Variants in KLHL22 observed in about 807,000 individuals in gnomAD.
KLHL22 encodes kelch-like protein 22.
A neutral mutation model predicts 60.7 loss-of-function variants in KLHL22; 18 were observed. The observed-to-expected ratio is 0.30, with a 90% confidence interval of 0.20 to 0.44. KLHL22 has a LOEUF of 0.44. Ranked by LOEUF, KLHL22 falls within the 20% of genes least tolerant of loss-of-function variation. KLHL22 has a pLI of 1.00. For missense variants in KLHL22, 596 were observed against 852.3 expected (o/e 0.70, Z 3.74); for synonymous variants, 355 against 354.5 (o/e 1.00, Z -0.01).
At chr22:20,464,566 C>T (rs942583038) in intron 4 of KLHL22, among the ~76,000 whole-genome samples, 8 of 152,174 alleles carry the variant, frequency 5.3e-5, no homozygotes, top group African/African-American at 1.7e-4. Context: ...CCTCCCGTCT[C>T]CTCCTGCACA....
intron 5 of KLHL22, chr22:20,451,628 C>G: frequency 6.2e-7 from 1 of 1,604,564 alleles, no homozygotes; most frequent in Admixed American, 1.7e-5. Context: ...ACAACTGCCA[C>G]CAGTATGACC....
intron 4 of KLHL22, among the ~76,000 whole-genome samples, chr22:20,462,543 A>G (rs1300877257): frequency 6.9e-6 from 1 of 144,258 alleles, no homozygotes; most frequent in Admixed American, 6.9e-5. Context: ...TTTTTTTGGT[A>G]GAGACGAGGT....
intron 2 of KLHL22, among the ~76,000 whole-genome samples, chr22:20,480,517 G>A (rs1436540841): frequency 1.3e-5 from 2 of 152,158 alleles, no homozygotes; most frequent in Non-Finnish European, 2.9e-5. Context: ...AAACCAGTAT[G>A]CTGCCTCTGG....
intron 1 of KLHL22, among the ~76,000 whole-genome samples, chr22:20,494,357 G>A (rs1323358753): frequency 6.6e-6 from 1 of 152,122 alleles, no homozygotes; most frequent in Non-Finnish European, 1.5e-5. Context: ...AACAACAGGA[G>A]CTCACCACTG....
intron 5 of KLHL22, 152 bp from the exon 6 acceptor site, chr22:20,446,828 G>A (rs1183867514): frequency 5.8e-5 from 38 of 658,956 alleles, no homozygotes; most frequent in African/African-American, 7.1e-5. Context: ...ATCCTCCCTC[G>A]ATTCTCATGG....
intron 2 of KLHL22, chr22:20,488,669 G>GCC: frequency 2.4e-6 from 1 of 420,390 alleles, no homozygotes; most frequent in Non-Finnish European, 4.4e-6. Flanking sequence ...CTGACGGAGG[G>GCC]GAGGAATGGT....
intron 5 of KLHL22, chr22:20,451,645 C>A (rs1046750293): frequency 6.2e-7 from 1 of 1,605,716 alleles, no homozygotes; most frequent in South Asian, 1.1e-5. Flanking sequence ...GACCACTCCA[C>A]GATGCTATGT....
chr22:20,464,834 G>A (rs753548230), intron 4 of KLHL22, 24 bp downstream of exon 4: 1 of 1,415,800 alleles, frequency 7.1e-7, no homozygotes, highest in South Asian at 1.4e-5. Flanking sequence ...GAAGACAAAG[G>A]GACCAGCTAG....
chr22:20,451,286 G>A, intron 5 of KLHL22: 2 of 1,606,946 alleles, frequency 1.2e-6, no homozygotes, highest in African/African-American at 2.7e-5. Flanking sequence ...TTTGATGGAA[G>A]CAGGCGTCAC....
In KLHL22 at chr22:20,451,231, G is replaced by A. The variant is rs529194261; in HGVS notation, c.1306-4555C>T. The A allele has an allele frequency of 5.0e-6, 8 of 1,601,592 alleles. No homozygotes were observed. In the South Asian group the frequency reaches 8.8e-5, roughly 18 times the overall value. On this transcript the variant is annotated intron_variant, in intron 5 of 6. Coordinates refer to ENST00000328879, the MANE Select transcript of KLHL22 (RefSeq NM_032775.4). ...CCCTATGAATGTCTGATGAGGTCTT[G>A]CTGGAGCCACCACCCTGGGAGATTT...
At chr22:20,446,336 A>G in intron 6 of KLHL22, 107 bp downstream of exon 6, 1 of 755,606 alleles carries the variant, frequency 1.3e-6, no homozygotes, top group Non-Finnish European at 2.2e-6. Flanking sequence ...CTGCTCTAAA[A>G]AATAGTCTAT....
intron 1 of KLHL22, chr22:20,491,375 T>C (rs908584133): frequency 1.1e-4 from 16 of 152,216 alleles, no homozygotes; most frequent in African/African-American, 3.6e-4. Context: ...GAGGTGAGGC[T>C]GAAAGTCCCA....
At chr22:20,450,824 T>C (rs1265974374) in intron 5 of KLHL22, 17 of 1,538,186 alleles carry the variant, frequency 1.1e-5, no homozygotes, top group South Asian at 5.6e-5. Flanking sequence ...ACAGATGTAA[T>C]AGATGCTGAG....
intron 3 of KLHL22, among the ~76,000 whole-genome samples, chr22:20,466,372 T>TA (rs361874): frequency 0.017 from 1,187 of 70,552 alleles, 40 homozygotes; most frequent in African/African-American, 0.061. Flanking sequence ...AGACTCCGTC[T>TA]AAAAAAAAAA....
chr22:20,482,646 C>T (rs1164642157), intron 2 of KLHL22, among the ~76,000 whole-genome samples: 2 of 151,970 alleles, frequency 1.3e-5, no homozygotes, highest in Non-Finnish European at 2.9e-5. Flanking sequence ...GATCTCGGCT[C>T]ACTGCAACCT....
At chr22:20,446,057 G>A (rs758048353) in intron 6 of KLHL22, among the ~76,000 whole-genome samples, 4 of 152,168 alleles carry the variant, frequency 2.6e-5, no homozygotes, top group East Asian at 1.9e-4. Context: ...CACCACATCC[G>A]GCCTAAAAGT....
intron 5 of KLHL22, chr22:20,451,607 C>T: frequency 6.3e-7 from 1 of 1,598,470 alleles, no homozygotes; most frequent in Non-Finnish European, 8.6e-7. Flanking sequence ...AACATTCGCA[C>T]TGATTCCCGG....
Position 20,441,914 on chromosome 22 carries a change from G to T in KLHL22, c.*159C>A. ...GGCCCTGAGATGCCTGCGGCAGGCT[G>T]GCCAAGGGGCTGGTGTGAAGAAAGA... On this transcript the variant is annotated 3_prime_UTR_variant, in exon 7 of 7. Coordinates refer to ENST00000328879, the MANE Select transcript of KLHL22 (RefSeq NM_032775.4). 1.5e-6 allele frequency: 1 copy of T among 650,824 alleles called. No homozygotes were observed. The highest frequency in any genetic ancestry group is 2.4e-6 in the Non-Finnish European group (1 of 418,424). 40.3% of individuals were successfully genotyped at this position (650,824 alleles called of 1,614,324 possible). A position where few individuals can be genotyped will look rare whatever the true frequency, so the allele number is the denominator to read the frequency against.
At chr22:20,458,813 C>A (rs995609974) in intron 4 of KLHL22, among the ~76,000 whole-genome samples, 2 of 152,182 alleles carry the variant, frequency 1.3e-5, no homozygotes, top group Admixed American at 1.3e-4. Context: ...ATGCTGCCAG[C>A]CCCGCGTTTC....
Sources: allele counts gnomAD v4.1 joint callset (sites outside exome capture counted in the v4.1 genomes callset), GRCh38; gene constraint gnomAD v4.1.1; transcripts MANE v1.5; gene names NCBI Gene and HGNC (gene_info 2026-07-23, HGNC 2026-07-21).